Variants in ANKS1B observed in about 807,000 individuals in gnomAD.
The protein encoded by ANKS1B is ankyrin repeat and sterile alpha motif domain-containing protein 1B.
A neutral mutation model predicts 148.3 loss-of-function variants in ANKS1B; 36 were observed. The observed-to-expected ratio is 0.24, with a 90% CI of 0.19 to 0.32. The LOEUF (loss-of-function observed/expected upper bound fraction) is 0.32. ANKS1B is among the 10% of genes least tolerant of loss of function. The probability of loss-of-function intolerance (pLI) is 1.00; values close to 1 mark genes in which losing one functional copy is unlikely to be tolerated. For synonymous variants in ANKS1B, 542 were observed against 560.8 expected (o/e 0.97, Z 0.47); for missense variants, 1,157 against 1,542.6 (o/e 0.75, Z 4.19).
At chr12:99,255,394 G>A (rs2075139592) in intron 12 of ANKS1B, among the ~76,000 whole-genome samples, 1 of 151,976 alleles carries the variant, frequency 6.6e-6, no homozygotes, top group Non-Finnish European at 1.5e-5. Flanking sequence ...TGACTGGAAA[G>A]TGCATCCATT....
intron 9 of ANKS1B, among the ~76,000 whole-genome samples, chr12:99,566,947 C>T (rs1334877320): frequency 1.3e-5 from 2 of 152,144 alleles, no homozygotes; most frequent in Non-Finnish European, 2.9e-5. Flanking sequence ...TTTAGGTATG[C>T]CTCTTGGTAC....
intron 8 of ANKS1B, among the ~76,000 whole-genome samples, chr12:99,736,641 A>T (rs2059642393): frequency 6.6e-6 from 1 of 152,070 alleles, no homozygotes; most frequent in Non-Finnish European, 1.5e-5. Flanking sequence ...GATCAGAGGA[A>T]TTTTATGGCA....
intron 12 of ANKS1B, among the ~76,000 whole-genome samples, chr12:99,265,872 G>A (rs1306271866): frequency 1.3e-5 from 2 of 152,070 alleles, no homozygotes; most frequent in Non-Finnish European, 1.5e-5. Context: ...CTTCACATAC[G>A]GGGAATTATA....
At chr12:99,918,974 G>A (rs1039450677) in intron 1 of ANKS1B, among the ~76,000 whole-genome samples, 2 of 152,152 alleles carry the variant, frequency 1.3e-5, no homozygotes, top group African/African-American at 2.4e-5. Context: ...ACAGTTGCCA[G>A]TGATTTTCAT....
At chr12:99,015,599 GC>G (rs1219977654) in intron 17 of ANKS1B, among the ~76,000 whole-genome samples, 1 of 152,208 alleles carries the variant, frequency 6.6e-6, no homozygotes, top group Admixed American at 6.5e-5. Flanking sequence ...GGGAGCAGTG[GC>G]TCATGCCTGT....
chr12:98,953,382 G>A (rs1255309291), intron 17 of ANKS1B, among the ~76,000 whole-genome samples: 3 of 151,834 alleles, frequency 2.0e-5, no homozygotes, highest in Non-Finnish European at 4.4e-5. Flanking sequence ...TGAACTCCTA[G>A]CTTCAAGTGA....
intron 1 of ANKS1B, among the ~76,000 whole-genome samples, chr12:99,927,647 C>T (rs998611734): frequency 3.3e-5 from 5 of 152,000 alleles, no homozygotes; most frequent in South Asian, 2.1e-4. Context: ...CCAGGAGCAG[C>T]GGCTCACACC....
At chr12:98,960,645 C>A (rs1400436181) in intron 17 of ANKS1B, among the ~76,000 whole-genome samples, 1 of 152,054 alleles carries the variant, frequency 6.6e-6, no homozygotes, top group Non-Finnish European at 1.5e-5. Context: ...AATAATCTTA[C>A]CAAACAAACT....
chr12:98,812,257 A>G lies in ANKS1B; in HGVS notation c.3067-4339T>C, dbSNP rs144646501. Among the ~76,000 whole-genome samples, 814 of 152,292 alleles carry G rather than the reference A, an allele frequency of 5.3e-3. 5 individuals carry two copies. Among genetic ancestry groups the G allele is most frequent in the Non-Finnish European group, 8.0e-3 (543 of 68,038 alleles). On this transcript the variant is annotated intron_variant, in intron 19 of 26. Transcript: ENST00000683438. ...TTGGAAGAAGTAAAGCTAGAGCCAG[A>G]CTTAGGTATGTTTAGATACACAAAT...
chr12:99,680,830 C>T (rs1287273579), intron 8 of ANKS1B, among the ~76,000 whole-genome samples: 14 of 152,178 alleles, frequency 9.2e-5, no homozygotes, highest in Admixed American at 8.5e-4. Flanking sequence ...GTTAGACTAG[C>T]CTTACTGGCT....
intron 14 of ANKS1B, among the ~76,000 whole-genome samples, chr12:99,219,564 T>A (rs1407416584): frequency 6.6e-6 from 1 of 152,198 alleles, no homozygotes; most frequent in Non-Finnish European, 1.5e-5. Flanking sequence ...TCTTACAGGT[T>A]AGCTGGGCTT....
Position 99,244,415 on chromosome 12 carries a change from C to G in ANKS1B, c.2347-1G>C. On this transcript the variant is annotated splice_acceptor_variant, in intron 13 of 26. Coordinates refer to ENST00000683438, the MANE Select transcript of ANKS1B (RefSeq NM_001352186.2). LOFTEE classifies it high-confidence loss of function. ...CTATGGAACTCATTATTTTGTCAAT[C>G]TGTAAGAAACAAAAACCATTTAAAT... 1 of 1,590,124 alleles carries G rather than the reference C, an allele frequency of 6.3e-7. No homozygotes were observed. The highest frequency in any genetic ancestry group is 8.6e-7 in the Non-Finnish European group (1 of 1,167,220).
At chr12:99,228,105 A>T (rs1208841421) in intron 14 of ANKS1B, among the ~76,000 whole-genome samples, 260 of 152,266 alleles carry the variant, frequency 1.7e-3, no homozygotes, top group African/African-American at 5.6e-3. Flanking sequence ...CCATGGAATT[A>T]TAGAGCTGGA....
intron 14 of ANKS1B, among the ~76,000 whole-genome samples, chr12:99,226,615 A>G (rs1171272417): frequency 6.6e-6 from 1 of 152,246 alleles, no homozygotes; most frequent in Non-Finnish European, 1.5e-5. Context: ...CATTTTCCTA[A>G]TTGATGGCTA....
At chr12:99,481,042 T>G (rs2096402264) in intron 10 of ANKS1B, among the ~76,000 whole-genome samples, 1 of 151,724 alleles carries the variant, frequency 6.6e-6, no homozygotes, top group Non-Finnish European at 1.5e-5. Flanking sequence ...TAAAAAAAAA[T>G]TCAATAGCTT....
At chr12:99,236,751 A>G (rs934390951) in intron 14 of ANKS1B, among the ~76,000 whole-genome samples, 25 of 152,222 alleles carry the variant, frequency 1.6e-4, no homozygotes, top group African/African-American at 5.5e-4. Flanking sequence ...TTCAAGGAGA[A>G]TGCTTCCAGC....
intron 12 of ANKS1B, among the ~76,000 whole-genome samples, chr12:99,270,348 TA>T (rs1187130092): frequency 1.3e-5 from 2 of 152,214 alleles, no homozygotes; most frequent in Non-Finnish European, 2.9e-5. Flanking sequence ...TAATTTAAAG[TA>T]ATCATCCTCT....
chr12:98,920,848 A>C (rs947116161), intron 17 of ANKS1B, among the ~76,000 whole-genome samples: 4 of 152,210 alleles, frequency 2.6e-5, no homozygotes, highest in African/African-American at 9.6e-5. Context: ...CTTATACCTG[A>C]AAATTTGCTG....
At chr12:99,838,292 C>T (rs1014236980) in intron 1 of ANKS1B, among the ~76,000 whole-genome samples, 2 of 152,112 alleles carry the variant, frequency 1.3e-5, no homozygotes, top group Admixed American at 6.6e-5. Context: ...GATACCCAGT[C>T]GTGGGATTCC....
Sources: allele counts gnomAD v4.1 joint callset (sites outside exome capture counted in the v4.1 genomes callset), GRCh38; gene constraint gnomAD v4.1.1; transcripts MANE v1.5; gene names NCBI Gene and HGNC (gene_info 2026-07-23, HGNC 2026-07-21).